The following CHLSN variants were observed in gnomAD, a reference collection of about 807,000 sequenced individuals.
CHLSN encodes cholesin, also known as protein cholesin.
At chr7:1,068,164 G>A in the CHLSN span, among the ~76,000 whole-genome samples, 5 of 152,164 alleles carry the variant, frequency 3.3e-5, no homozygotes, top group Non-Finnish European at 1.5e-5. Context: ...CGGATGCTTT[G>A]TCCTCAGGTC....
chr7:1,000,265 T>A, the CHLSN span, among the ~76,000 whole-genome samples: 1 of 150,498 alleles, frequency 6.6e-6, no homozygotes, highest in African/African-American at 2.5e-5. Context: ...TGCACAGACC[T>A]CAGCCCCCAG....
At chr7:1,119,889 A>AAAAG in the CHLSN span, among the ~76,000 whole-genome samples, 5 of 150,188 alleles carry the variant, frequency 3.3e-5, no homozygotes, top group Non-Finnish European at 3.0e-5. Flanking sequence ...AAAAAAAAAA[A>AAAAG]GGGGGATAGA....
At chr7:1,038,498 G>C in the CHLSN span, among the ~76,000 whole-genome samples, 117 of 84,250 alleles carry the variant, frequency 1.4e-3, 1 homozygote, top group South Asian at 1.5e-3. Flanking sequence ...TAAGCCCCCC[G>C]CCTGGCCAGC....
the CHLSN span, chr7:986,574 GCAGCCC>G: frequency 6.3e-7 from 1 of 1,599,612 alleles, no homozygotes; most frequent in Non-Finnish European, 8.5e-7. Flanking sequence ...TGCCCAGCGT[GCAGCCC>G]TGGGGCTGCG....
At chr7:1,094,245 C>T in the CHLSN span, among the ~76,000 whole-genome samples, 1 of 152,236 alleles carries the variant, frequency 6.6e-6, no homozygotes, top group Non-Finnish European at 1.5e-5. Context: ...CCCTCCTTTC[C>T]CGCCTCACCC....
At chr7:1,059,533 T>G in the CHLSN span, among the ~76,000 whole-genome samples, 1 of 127,038 alleles carries the variant, frequency 7.9e-6, no homozygotes, top group African/African-American at 3.1e-5. Context: ...AGGCGGGTCT[T>G]AGTGAGGTGG....
chr7:1,028,349 G>T, the CHLSN span: 1 of 1,012,980 alleles, frequency 9.9e-7, no homozygotes, highest in Non-Finnish European at 1.2e-6. Context: ...GCCTCCAGCA[G>T]CCTCAGCGCC....
the CHLSN span, among the ~76,000 whole-genome samples, chr7:1,132,782 G>C: frequency 2.7e-5 from 4 of 148,836 alleles, no homozygotes; most frequent in African/African-American, 1.0e-4. Context: ...CTAGTAACTA[G>C]AATATATAAA....
chr7:1,066,375 C>T, the CHLSN span, among the ~76,000 whole-genome samples: 1 of 152,240 alleles, frequency 6.6e-6, no homozygotes, highest in East Asian at 1.9e-4. Flanking sequence ...TGGGGCCCAT[C>T]GTGGCCCACA....
At chr7:1,136,371 TATATATAA>T in the CHLSN span, among the ~76,000 whole-genome samples, 2,361 of 77,286 alleles carry the variant, frequency 0.031, 273 homozygotes, top group African/African-American at 0.11. Flanking sequence ...TATATATAAA[TATATATAA>T]ATATATAAAC....
At chr7:980,763 C>CT in the CHLSN span, among the ~76,000 whole-genome samples, 2 of 148,946 alleles carry the variant, frequency 1.3e-5, no homozygotes, top group Admixed American at 1.4e-4. Flanking sequence ...TCTCAGCTCA[C>CT]TGCAAGCTCC....
the CHLSN span, chr7:1,059,009 C>T: frequency 1.1e-5 from 2 of 182,536 alleles, no homozygotes; most frequent in Non-Finnish European, 1.3e-5. Flanking sequence ...CAAGGCCTGC[C>T]GGGTGTGCCG....
At chr7:1,000,202 T>C in the CHLSN span, among the ~76,000 whole-genome samples, 1 of 152,132 alleles carries the variant, frequency 6.6e-6, no homozygotes, top group Admixed American at 6.5e-5. Flanking sequence ...CTTCAGACTG[T>C]GGCTTCTGCT....
chr7:1,050,932 C>T, the CHLSN span, among the ~76,000 whole-genome samples: 2 of 152,216 alleles, frequency 1.3e-5, no homozygotes, highest in Non-Finnish European at 2.9e-5. Context: ...TGGGCCTCAC[C>T]CTAGCCTGCT....
the CHLSN span, among the ~76,000 whole-genome samples, chr7:1,118,390 T>C: frequency 6.6e-6 from 1 of 152,184 alleles, no homozygotes; most frequent in African/African-American, 2.4e-5. Context: ...CTCAGCATCA[T>C]TGTTAGCTCT....
the CHLSN span, among the ~76,000 whole-genome samples, chr7:1,112,885 A>G: frequency 6.6e-6 from 1 of 152,148 alleles, no homozygotes; most frequent in Non-Finnish European, 1.5e-5. Context: ...CGTCCTGGGC[A>G]CTTACCCCAG....
the CHLSN span, among the ~76,000 whole-genome samples, chr7:1,027,732 G>A: frequency 6.6e-6 from 1 of 152,248 alleles, no homozygotes; most frequent in Non-Finnish European, 1.5e-5. Context: ...TGGCTTCCGA[G>A]CGCCCGACGG....
the CHLSN span, chr7:1,025,869 G>A: frequency 2.6e-5 from 4 of 152,306 alleles, no homozygotes; most frequent in Non-Finnish European, 4.4e-5. Context: ...TCTGTGGCCA[G>A]TGTCTGGCAC....
the CHLSN span, chr7:1,092,117 G>A: frequency 6.2e-7 from 1 of 1,613,850 alleles, no homozygotes; most frequent in Non-Finnish European, 8.5e-7. Context: ...GCCGTCCTGT[G>A]CACCTTCATG....
Sources: gnomAD v4.1 joint callset for allele counts (sites outside exome capture counted in the v4.1 genomes callset) on GRCh38, gnomAD v4.1.1 for gene constraint, MANE v1.5 for transcripts, NCBI Gene and HGNC (gene_info 2026-07-23, HGNC 2026-07-21) for gene names.